LIMA1: variants seen among roughly 807,000 people sequenced by gnomAD.
The protein encoded by LIMA1 is LIM domain and actin-binding protein 1.
Under a neutral mutation model 62.6 loss-of-function variants are expected in LIMA1, and 52 were observed. That is an observed-to-expected ratio of 0.83 (90% CI 0.67 to 1.05). The LOEUF (loss-of-function observed/expected upper bound fraction) is 1.05, where lower values mean the gene tolerates loss of function less well. Ranked by LOEUF, LIMA1 falls within the 50% of genes least tolerant of loss-of-function variation. LIMA1 has a pLI of 0.00. For synonymous variants in LIMA1, 302 were observed against 317.8 expected, an observed-to-expected ratio of 0.95 and a Z score of 0.53; for missense variants, 780 against 902.2, an observed-to-expected ratio of 0.86 and a Z score of 1.74.
chr12:50,190,517 G>A (rs1048680987), intron 9 of LIMA1, among the ~76,000 whole-genome samples: 2 of 147,644 alleles, frequency 1.4e-5, no homozygotes, highest in African/African-American at 5.1e-5. Flanking sequence ...ACAGGCATGT[G>A]CCACCATGCC....
chr12:50,225,575 C>T lies in LIMA1; in HGVS notation c.166-3090G>A, dbSNP rs145621484. ...CTTCAATCTTTTTTTCTTTTTGAGACGGAGTCTCACTCTGTCACCCAGGCT... is the reference window on the plus strand; with the variant it reads ...CTTCAATCTTTTTTTCTTTTTGAGATGGAGTCTCACTCTGTCACCCAGGCT... On this transcript the variant is annotated intron_variant, in intron 3 of 10. Coordinates refer to ENST00000341247, the MANE Select transcript of LIMA1 (RefSeq NM_016357.5). 1.6e-4 allele frequency among the ~76,000 whole-genome samples: 24 copies of T among 152,186 alleles called. No individual in the cohort carries two copies. In the East Asian group the frequency reaches 2.5e-3, roughly 16 times the overall value.
chr12:50,261,342 A>T (rs145985612), intron 1 of LIMA1, among the ~76,000 whole-genome samples: 19 of 151,810 alleles, frequency 1.3e-4, no homozygotes, highest in African/African-American at 3.9e-4. Flanking sequence ...GTGATAGTGT[A>T]TTGCTTTCTA....
chr12:50,264,049 G>A (rs1380997944), intron 1 of LIMA1, among the ~76,000 whole-genome samples: 2 of 151,804 alleles, frequency 1.3e-5, no homozygotes, highest in Non-Finnish European at 2.9e-5. Flanking sequence ...GTAATGTAGT[G>A]CTGACACATG....
At chr12:50,200,062 T>C (rs1941012283) in intron 7 of LIMA1, among the ~76,000 whole-genome samples, 1 of 151,238 alleles carries the variant, frequency 6.6e-6, no homozygotes, top group Non-Finnish European at 1.5e-5. Flanking sequence ...CCCGGCTAAT[T>C]TTTTGTATTT....
chr12:50,270,565 A>G (rs1942195787), intron 1 of LIMA1, among the ~76,000 whole-genome samples: 1 of 144,222 alleles, frequency 6.9e-6, no homozygotes, highest in Non-Finnish European at 1.5e-5. Flanking sequence ...AGATCACGCC[A>G]CTGCACTCCA....
intron 4 of LIMA1, among the ~76,000 whole-genome samples, chr12:50,213,593 G>A (rs948148433): frequency 6.6e-6 from 1 of 152,206 alleles, no homozygotes; most frequent in African/African-American, 2.4e-5. Flanking sequence ...AATTTTGATA[G>A]CGATTTCTCA....
chr12:50,206,976 G>A (rs916857268), intron 4 of LIMA1, among the ~76,000 whole-genome samples: 1 of 152,022 alleles, frequency 6.6e-6, no homozygotes, highest in African/African-American at 2.4e-5. Context: ...CCAGGCTGGA[G>A]TATAGTGATG....
intron 10 of LIMA1, 38 bp from the exon 11 acceptor site, chr12:50,178,107 C>A: frequency 7.2e-7 from 1 of 1,391,364 alleles, no homozygotes; most frequent in South Asian, 1.9e-5. Context: ...CTTAGCAAAT[C>A]TTCACATTCT....
intron 8 of LIMA1, chr12:50,195,503 G>T: frequency 4.8e-6 from 1 of 207,534 alleles, no homozygotes; most frequent in Non-Finnish European, 9.5e-6. Context: ...AATAAAATCC[G>T]TATTGGCCAA....
chr12:50,268,431 C>G (rs140292270), intron 1 of LIMA1, among the ~76,000 whole-genome samples: 1 of 152,134 alleles, frequency 6.6e-6, no homozygotes, highest in Admixed American at 6.5e-5. Flanking sequence ...AGACCCTAAA[C>G]GCTCACCATC....
At chr12:50,235,840 A>T (rs1941684155) in intron 2 of LIMA1, among the ~76,000 whole-genome samples, 1 of 152,220 alleles carries the variant, frequency 6.6e-6, no homozygotes, top group African/African-American at 2.4e-5. Context: ...CAGGAAAATG[A>T]CAACTGAATA....
intron 2 of LIMA1, among the ~76,000 whole-genome samples, chr12:50,233,348 T>C (rs1172265992): frequency 6.7e-6 from 1 of 149,818 alleles, no homozygotes; most frequent in African/African-American, 2.4e-5. Context: ...GTTAAGTCCA[T>C]ACAGCAATGC....
intron 4 of LIMA1, among the ~76,000 whole-genome samples, chr12:50,221,241 G>A (rs1439826816): frequency 6.6e-5 from 10 of 152,006 alleles, no homozygotes; most frequent in Admixed American, 6.6e-4. Context: ...CTGTTGTAAC[G>A]AACCATCCCC....
intron 9 of LIMA1, among the ~76,000 whole-genome samples, chr12:50,191,990 C>A (rs1940784852): frequency 6.7e-6 from 1 of 150,160 alleles, no homozygotes. Flanking sequence ...AAAAAATTAG[C>A]CAGGCATGGT....
chr12:50,193,546 C>CA (rs1555204586), intron 8 of LIMA1, among the ~76,000 whole-genome samples: 1 of 111,282 alleles, frequency 9.0e-6, no homozygotes, highest in Non-Finnish European at 1.7e-5. Flanking sequence ...TATATATATA[C>CA]ATATATATCA....
At chr12:50,261,034 T>C (rs1176333727) in intron 1 of LIMA1, among the ~76,000 whole-genome samples, 2 of 123,854 alleles carry the variant, frequency 1.6e-5, no homozygotes, top group Non-Finnish European at 3.2e-5. Flanking sequence ...TTTTCTGCCA[T>C]CTAGTATATT....
intron 3 of LIMA1, among the ~76,000 whole-genome samples, chr12:50,230,510 G>T (rs902724670): frequency 2.6e-5 from 4 of 152,206 alleles, no homozygotes; most frequent in African/African-American, 9.7e-5. Context: ...ACAGAGGCAA[G>T]AGGGAAGGAA....
chr12:50,265,010 GGGTGT>G (rs2138681815), intron 1 of LIMA1, among the ~76,000 whole-genome samples: 1 of 152,008 alleles, frequency 6.6e-6, no homozygotes, highest in South Asian at 2.1e-4. Context: ...ATAATTAGCC[GGGTGT>G]GGTGGTGGGT....
chr12:50,230,327 C>T (rs1422526164), intron 3 of LIMA1, among the ~76,000 whole-genome samples: 15 of 152,170 alleles, frequency 9.9e-5, no homozygotes, highest in Admixed American at 9.8e-4. Flanking sequence ...TGAGCCACCG[C>T]GCCCAGCCAT....
Sources: allele counts gnomAD v4.1 joint callset (sites outside exome capture counted in the v4.1 genomes callset), GRCh38; gene constraint gnomAD v4.1.1; transcripts MANE v1.5; gene names NCBI Gene and HGNC (gene_info 2026-07-23, HGNC 2026-07-21).